Variants in TACC1 observed in about 807,000 individuals in gnomAD.
The protein encoded by TACC1 is transforming acidic coiled-coil containing protein 1, also known as transforming acidic coiled-coil-containing protein 1.
In TACC1, 48 loss-of-function variants were observed where a neutral mutation model predicts 84.4. That is an observed-to-expected ratio of 0.57 (90% CI 0.45 to 0.72). The LOEUF (loss-of-function observed/expected upper bound fraction) is 0.72, where lower values mean the gene tolerates loss of function less well. TACC1 is among the 30% of genes least tolerant of loss of function. The pLI is 0.00. For synonymous variants in TACC1, 372 were observed against 376.3 expected, an observed-to-expected ratio of 0.99 and a Z score of 0.13; for missense variants, 920 against 973.0, an observed-to-expected ratio of 0.95 and a Z score of 0.72.
At chr8:38,728,839 T>A (rs1461622737) in intron 1 of TACC1, 1 of 152,294 alleles carries the variant, frequency 6.6e-6, no homozygotes, top group Non-Finnish European at 1.5e-5. Flanking sequence ...TCCTTTTCCC[T>A]CTCTCTTTCC....
intron 2 of TACC1, among the ~76,000 whole-genome samples, chr8:38,811,274 A>C (rs1363990938): frequency 6.6e-6 from 1 of 151,258 alleles, no homozygotes; most frequent in Non-Finnish European, 1.5e-5. Flanking sequence ...AGCATTCACT[A>C]GTATTTCCTG....
chr8:38,787,260 C>G lies in TACC1; in HGVS notation c.-323C>G. The G allele has an allele frequency of 9.6e-7, 1 of 1,044,850 alleles. No homozygotes were observed. Among genetic ancestry groups the G allele is most frequent in the Non-Finnish European group, 1.2e-6 (1 of 869,026 alleles). 64.7% of individuals were successfully genotyped at this position (1,044,850 alleles called of 1,614,324 possible). A position where few individuals can be genotyped will look rare whatever the true frequency, so the allele number is the denominator to read the frequency against. On this transcript the variant is annotated 5_prime_UTR_variant, in exon 1 of 13. Coordinates refer to ENST00000317827, the MANE Select transcript of TACC1 (RefSeq NM_006283.3). ...GGAGTCCGCGAGCCGGGAGCGGGAG[C>G]AGCAGAGGTCTAGCAGCCGGGCGCC...
chr8:38,747,493 T>A (rs897010698), intron 3 of TACC1, among the ~76,000 whole-genome samples: 5 of 152,162 alleles, frequency 3.3e-5, no homozygotes, highest in Non-Finnish European at 5.9e-5. Context: ...CCGTGATATA[T>A]CCAGACAATG....
At chr8:38,801,482 C>T (rs1420169386) in intron 2 of TACC1, among the ~76,000 whole-genome samples, 2 of 152,340 alleles carry the variant, frequency 1.3e-5, no homozygotes, top group South Asian at 4.1e-4. Flanking sequence ...ATTCTTTTCC[C>T]TATACAATTA....
Position 38,817,496 on chromosome 8 carries a change from A to T in TACC1, c.278-2026A>T, listed in dbSNP as rs933076602. On this transcript the variant is annotated intron_variant, in intron 2 of 12. Coordinates refer to ENST00000317827, the MANE Select transcript of TACC1 (RefSeq NM_006283.3). ...AACTGTATGACAGAGAAAATAGTAC[A>T]ATGAAAACTCCCATATACCTATTCC... is the stretch of plus-strand genomic sequence containing the variant. 1.7e-4 allele frequency among the ~76,000 whole-genome samples: 26 copies of T among 152,224 alleles called. 1 individual carries two copies. The highest frequency in any genetic ancestry group is 2.8e-4 in the Non-Finnish European group (19 of 68,038).
upstream of TACC1, among the ~76,000 whole-genome samples, chr8:38,783,152 A>C (rs1816470390): frequency 6.7e-6 from 1 of 149,432 alleles, no homozygotes; most frequent in African/African-American, 2.5e-5. Context: ...AGCTTCTCTG[A>C]AAGCTGACAC....
chr8:38,737,736 T>C (rs576309001), intron 1 of TACC1, among the ~76,000 whole-genome samples: 1 of 152,062 alleles, frequency 6.6e-6, no homozygotes, highest in East Asian at 1.9e-4. Flanking sequence ...CATTCTTTTT[T>C]TTTTTTTTGA....
chr8:38,798,606 C>CGTGTGTGTGTGTGTGTGTGTGT (rs10631964), intron 2 of TACC1, among the ~76,000 whole-genome samples: 3 of 143,510 alleles, frequency 2.1e-5, no homozygotes, highest in East Asian at 2.1e-4. Flanking sequence ...CTGGGTTCTG[C>CGTGTGTGTGTGTGTGTGTGTGT]GTGTGTGTGT....
chr8:38,774,881 C>T (rs956499268), intron 3 of TACC1, among the ~76,000 whole-genome samples: 1 of 151,874 alleles, frequency 6.6e-6, no homozygotes, highest in East Asian at 1.9e-4. Context: ...CATGGTGGCA[C>T]ATGCATGTAA....
intron 3 of TACC1, among the ~76,000 whole-genome samples, chr8:38,772,317 AT>A (rs1813799921): frequency 6.6e-6 from 1 of 152,246 alleles, no homozygotes; most frequent in Non-Finnish European, 1.5e-5. Context: ...AAAATATAAA[AT>A]GTGTTTGTTT....
chr8:38,841,125 CATTG>C (rs1285636570), intron 9 of TACC1, among the ~76,000 whole-genome samples: 2 of 152,184 alleles, frequency 1.3e-5, no homozygotes, highest in African/African-American at 4.8e-5. Context: ...ACAACATTTT[CATTG>C]ATTGATCAGT....
At chr8:38,845,807 G>A (rs770316688) in intron 11 of TACC1, among the ~76,000 whole-genome samples, 17 of 152,322 alleles carry the variant, frequency 1.1e-4, no homozygotes, top group Non-Finnish European at 2.2e-4. Flanking sequence ...GTTTTCAGCC[G>A]CCCATTGGCA....
intron 3 of TACC1, among the ~76,000 whole-genome samples, chr8:38,775,095 T>C (rs1052280059): frequency 6.6e-6 from 1 of 152,070 alleles, no homozygotes; most frequent in African/African-American, 2.4e-5. Flanking sequence ...ATAAAACAAT[T>C]TACAGTGCCT....
chr8:38,794,325 T>C (rs1819465987), intron 2 of TACC1, among the ~76,000 whole-genome samples: 2 of 152,214 alleles, frequency 1.3e-5, no homozygotes, highest in African/African-American at 2.4e-5. Context: ...AAAATAGTGA[T>C]GGGGTTTCAC....
At chr8:38,825,259 T>C (rs1827781228) in intron 3 of TACC1, 49 bp from the exon 4 acceptor site, 2 of 1,596,262 alleles carry the variant, frequency 1.3e-6, no homozygotes, top group Non-Finnish European at 1.7e-6. Flanking sequence ...ACCTTGACAA[T>C]TGTCAGTGTG....
intron 2 of TACC1, chr8:38,802,263 A>G (rs1821570415): frequency 6.6e-6 from 1 of 152,302 alleles, no homozygotes; most frequent in Non-Finnish European, 1.5e-5. Context: ...GCTGTAAAGC[A>G]GGGGTCCCCA....
intron 10 of TACC1, among the ~76,000 whole-genome samples, chr8:38,843,036 CT>C (rs1263061673): frequency 6.6e-6 from 1 of 152,180 alleles, no homozygotes; most frequent in Non-Finnish European, 1.5e-5. Flanking sequence ...TTTTGAATAA[CT>C]GCCTTCCTAA....
chr8:38,827,094 C>A, intron 4 of TACC1, 74 bp from the exon 5 acceptor site: 1 of 1,323,048 alleles, frequency 7.6e-7, no homozygotes, highest in Non-Finnish European at 1.1e-6. Context: ...CTACTTTGTT[C>A]CATTCATGGG....
At chr8:38,812,305 C>T (rs1824375763) in intron 2 of TACC1, among the ~76,000 whole-genome samples, 1 of 151,870 alleles carries the variant, frequency 6.6e-6, no homozygotes, top group Non-Finnish European at 1.5e-5. Context: ...GTTCGTACAC[C>T]CCCTCCCCTT....
Sources: allele counts gnomAD v4.1 joint callset (sites outside exome capture counted in the v4.1 genomes callset), GRCh38; gene constraint gnomAD v4.1.1; transcripts MANE v1.5; gene names NCBI Gene and HGNC (gene_info 2026-07-23, HGNC 2026-07-21).